Variants in LRRD1 observed in about 807,000 individuals in gnomAD.
The protein encoded by LRRD1 is leucine-rich repeat and death domain-containing protein 1.
In LRRD1, 49 loss-of-function variants were observed where a neutral mutation model predicts 69.5. The ratio of observed to expected loss-of-function variants is 0.70; its 90% confidence interval spans 0.56 to 0.89. The LOEUF is 0.89. Among genes scored for constraint, LRRD1 ranks in the 40% least tolerant of loss-of-function variants. The pLI is 0.00. For missense variants in LRRD1, 853 were observed against 956.0 expected (o/e 0.89, Z 1.42); for synonymous variants, 303 against 338.9 (o/e 0.89, Z 1.16).
At chr7:92,165,782 A>T (rs983389650) in intron 1 of LRRD1, among the ~76,000 whole-genome samples, 6 of 146,452 alleles carry the variant, frequency 4.1e-5, no homozygotes, top group African/African-American at 1.0e-4. Context: ...AATTGCTTGA[A>T]CCCGGGAGGC....
chr7:92,164,018 T>G lies in LRRD1; in HGVS notation c.1185A>C (p.Ala395=), dbSNP rs1461744162. The G allele has an allele frequency of 3.2e-6, 5 of 1,539,856 alleles. No individual in the cohort carries two copies. The South Asian group carries it at 6.1e-5, about 19-fold the overall frequency. ...KNIPEKISCC[A]MLECLSLSDN... is the part of the protein sequence containing the mutation. ...CACTAAGACTAAGGCATTCCAACAT[T>G]GCACAGCAAGATATTTTCTCTGGTA... The change falls in exon 2 of 6, where the codon GCA becomes GCC. Residue 395 remains alanine (A), a synonymous_variant. Coordinates refer to ENST00000458448, the MANE Select transcript of LRRD1 (RefSeq NM_001161528.2).
At chr7:92,168,231 T>A (rs1477901721) in intron 1 of LRRD1, among the ~76,000 whole-genome samples, 2 of 152,334 alleles carry the variant, frequency 1.3e-5, no homozygotes, top group East Asian at 3.9e-4. Context: ...TTATTGTGAT[T>A]CAGTTTCTAG....
Position 92,165,121 on chromosome 7 carries a change from T to C in LRRD1, c.82A>G (p.Lys28Glu). Residue 28 changes from lysine to glutamate, a missense_variant, in exon 2 of 6, where the codon AAG becomes GAG. By Grantham distance (56) the Lys-to-Glu change is moderately conservative. Coordinates refer to ENST00000458448, the MANE Select transcript of LRRD1 (RefSeq NM_001161528.2). ...GTTTCTTTAATAAAGCCAGGCTCCTTCATTGACTGTGATCTAGATTCTTTC... is the reference window on the plus strand; with the variant it reads ...GTTTCTTTAATAAAGCCAGGCTCCTCCATTGACTGTGATCTAGATTCTTTC... ...FRKESRSQSM[K>E]EPGFIKETSN... 6.4e-7 allele frequency: 1 copy of C among 1,551,270 alleles called. No homozygotes were observed. Among genetic ancestry groups the C allele is most frequent in the Non-Finnish European group, 8.7e-7 (1 of 1,146,872 alleles).
At chr7:92,154,829 C>G (rs1788618207) in intron 3 of LRRD1, among the ~76,000 whole-genome samples, 1 of 152,108 alleles carries the variant, frequency 6.6e-6, no homozygotes, top group Non-Finnish European at 1.5e-5. Flanking sequence ...ATGGGAGATA[C>G]CTTCCAAGAC....
intron 1 of LRRD1, among the ~76,000 whole-genome samples, chr7:92,177,906 A>G (rs1789232088): frequency 6.6e-6 from 1 of 152,204 alleles, no homozygotes; most frequent in African/African-American, 2.4e-5. Flanking sequence ...ATTAATCCAG[A>G]ATATACATAG....
downstream of LRRD1, chr7:92,142,411 G>A: frequency 2.2e-6 from 1 of 454,290 alleles, no homozygotes; most frequent in Admixed American, 2.4e-5. Flanking sequence ...GCTCTCGGCA[G>A]ACTACTACAC....
Position 92,163,625 on chromosome 7 carries a change from A to G in LRRD1, c.1578T>C (p.Ser526=). Residue 526 remains serine (S), a synonymous_variant, in exon 2 of 6, where the codon TCT becomes TCC. Transcript: ENST00000458448. The part of the protein sequence containing the change: ...ELSENKLLIF[S]EHFCSLINLK... ...GATTAATAAGAGAACAAAAGTGCTC[A>G]GAAAATATGAGGAGTTTGTTTTCAC... is the stretch of plus-strand genomic sequence containing the variant. 2 of 1,517,320 alleles carry G rather than the reference A, an allele frequency of 1.3e-6. No individual in the cohort carries two copies. The highest frequency in any genetic ancestry group is 1.8e-6 in the Non-Finnish European group (2 of 1,135,836). 94.0% of individuals were successfully genotyped at this position (1,517,320 alleles called of 1,614,324 possible).
intron 2 of LRRD1, 131 bp from the exon 3 acceptor site, chr7:92,159,334 T>C (rs1447295810): frequency 1.6e-6 from 1 of 637,186 alleles, no homozygotes; most frequent in Non-Finnish European, 2.5e-6. Context: ...TTTTTTATTA[T>C]GTCACAAATT....
chr7:92,171,293 G>GA (rs938737084), intron 1 of LRRD1, among the ~76,000 whole-genome samples: 4 of 149,914 alleles, frequency 2.7e-5, no homozygotes, highest in Non-Finnish European at 4.5e-5. Flanking sequence ...TCTAGACTAA[G>GA]AAAAAAAAAG....
chr7:92,167,894 AAAAAAAAAAAAAAAT>A (rs1198150014), intron 1 of LRRD1, among the ~76,000 whole-genome samples: 5 of 146,920 alleles, frequency 3.4e-5, no homozygotes, highest in South Asian at 2.1e-4. Flanking sequence ...AAAAAAAAAA[AAAAAAAAAAAAAAAT>A]AAGTTATTCT....
rs1788863569 is a variant in LRRD1, at chr7:92,164,629, T to C, written c.574A>G (p.Ile192Val). The change falls in exon 2 of 6, where the codon ATT (isoleucine) becomes GTT (valine). Residue 192 changes from isoleucine to valine, a missense_variant. Physicochemically the swap from Ile to Val is conservative, Grantham distance 29. Around this residue, in one of 3 missense-constraint regions of LRRD1, gnomAD observed 739 missense variants for 808.0 expected, o/e 0.91. Coordinates refer to ENST00000458448, the MANE Select transcript of LRRD1 (RefSeq NM_001161528.2). ...AATCCATTTTCTTGCAGGGATAGAA[T>C]TTCAAGTCCTAACAGATCACCTGAG... ...ADSGDLLGLE[I>V]LSLQENGLSS... 6.4e-7 allele frequency: 1 copy of C among 1,551,740 alleles called. No homozygotes were observed. The highest frequency in any genetic ancestry group is 1.4e-5 in the African/African-American group (1 of 73,058).
At chr7:92,145,685 C>T (rs59033220) in intron 5 of LRRD1, among the ~76,000 whole-genome samples, 2,315 of 152,174 alleles carry the variant, frequency 0.015, 54 homozygotes, top group African/African-American at 0.052. Context: ...GTGATCCACC[C>T]GCCTCAGCTT....
At position 92,164,680 on chromosome 7, in the gene LRRD1, G is replaced by C. The variant is rs1238356890; in HGVS notation, c.523C>G (p.Gln175Glu). The C allele has an allele frequency of 6.4e-7, 1 of 1,551,174 alleles. No individual in the cohort carries two copies. Among genetic ancestry groups the C allele is most frequent in the Non-Finnish European group, 8.7e-7 (1 of 1,146,758 alleles). Residue 175 changes from glutamine to glutamate, a missense_variant, in exon 2 of 6, where the codon CAA becomes GAA. Gln to Glu is a conservative substitution (Grantham distance 29, BLOSUM62 2). Around this residue, in one of 3 missense-constraint regions of LRRD1, gnomAD observed 739 missense variants for 808.0 expected, o/e 0.91. Coordinates refer to ENST00000458448, the MANE Select transcript of LRRD1 (RefSeq NM_001161528.2). ...TCTGCCCCTTGAAATGTTTTGATTT[G>C]ATTCTTGTCTAAATATAGATATTTT... ...YVKYLYLDKN[Q>E]IKTFQGADSG... is the part of the protein sequence containing the mutation.
chr7:92,150,716 T>C, intron 3 of LRRD1, 21 bp from the exon 4 acceptor site: 1 of 1,474,018 alleles, frequency 6.8e-7, no homozygotes, highest in Non-Finnish European at 9.2e-7. Context: ...AAAATTAGAA[T>C]TGAATTACAT....
chr7:92,157,566 T>A (rs1231903717), intron 3 of LRRD1, among the ~76,000 whole-genome samples: 1 of 151,692 alleles, frequency 6.6e-6, no homozygotes, highest in Non-Finnish European at 1.5e-5. Context: ...CTTTCTTCTT[T>A]CTTTTCTTTC....
At position 92,158,928 on chromosome 7, in the gene LRRD1, C is replaced by G. The variant is rs146100049; in HGVS notation, c.2116+77G>C. ...ATGTTGACTCTTTGCCATTCTGTAT[C>G]TTGTCAGCAAAATTTGCAACTCAGA... On this transcript the variant is annotated intron_variant, in intron 3 of 5. Transcript: ENST00000458448. 80 of 1,165,960 alleles carry G rather than the reference C, an allele frequency of 6.9e-5. No homozygotes were observed. The East Asian group carries it at 2.1e-3, about 31-fold the overall frequency. 72.2% of individuals were successfully genotyped at this position (1,165,960 alleles called of 1,614,324 possible). A position where few individuals can be genotyped will look rare whatever the true frequency, so the allele number is the denominator to read the frequency against.
chr7:92,151,985 A>G (rs1820480074), intron 3 of LRRD1, among the ~76,000 whole-genome samples: 1 of 150,686 alleles, frequency 6.6e-6, no homozygotes, highest in South Asian at 2.1e-4. Flanking sequence ...TGTGGTAAAA[A>G]TGAATTTGTA....
intron 1 of LRRD1, among the ~76,000 whole-genome samples, chr7:92,174,498 TATATATA>T (rs1388904197): frequency 1.9e-4 from 4 of 21,492 alleles, no homozygotes; most frequent in African/African-American, 4.0e-4. Context: ...TATATATATA[TATATATA>T]TATATTTTTT....
At chr7:92,171,671 C>T (rs1438269745) in intron 1 of LRRD1, among the ~76,000 whole-genome samples, 9 of 152,140 alleles carry the variant, frequency 5.9e-5, no homozygotes, top group Non-Finnish European at 8.8e-5. Flanking sequence ...ACTCATTCTA[C>T]GAGGCCAGTG....
Sources: gnomAD v4.1 joint callset for allele counts (sites outside exome capture counted in the v4.1 genomes callset) on GRCh38, gnomAD v4.1.1 for gene constraint, gnomAD v4.1.1 regional missense constraint, MANE v1.5 for transcripts, NCBI Gene and HGNC (gene_info 2026-07-23, HGNC 2026-07-21) for gene names.